Variants in SPMIP2 observed in about 807,000 individuals in gnomAD.
SPMIP2 encodes the protein protein SPMIP2.
At chr4:158,992,588 A>T in the SPMIP2 span, among the ~76,000 whole-genome samples, 1 of 152,210 alleles carries the variant, frequency 6.6e-6, no homozygotes, top group African/African-American at 2.4e-5. Context: ...ATAACAAAAT[A>T]CCCGAGACTA....
the SPMIP2 span, among the ~76,000 whole-genome samples, chr4:158,943,877 G>A: frequency 8.5e-5 from 1 of 11,698 alleles, no homozygotes; most frequent in Admixed American, 8.4e-4. Context: ...TTTTTTTTTT[G>A]AGACAGTCTC....
chr4:158,896,952 C>T, the SPMIP2 span, among the ~76,000 whole-genome samples: 1 of 152,010 alleles, frequency 6.6e-6, no homozygotes. Flanking sequence ...CCCATCAACC[C>T]GTCATCTACA....
the SPMIP2 span, among the ~76,000 whole-genome samples, chr4:159,060,180 C>T: frequency 6.6e-6 from 1 of 152,116 alleles, no homozygotes; most frequent in Admixed American, 6.5e-5. Context: ...GTTTTACCAG[C>T]TGGGTCAGAT....
chr4:159,082,136 G>T, the SPMIP2 span, among the ~76,000 whole-genome samples: 3 of 147,724 alleles, frequency 2.0e-5, no homozygotes, highest in Admixed American at 6.8e-5. Flanking sequence ...CGGCCAATAT[G>T]GCAAAACCCT....
At chr4:158,942,379 C>T in the SPMIP2 span, among the ~76,000 whole-genome samples, 1 of 152,194 alleles carries the variant, frequency 6.6e-6, no homozygotes, top group Admixed American at 6.5e-5. Context: ...TTCCACTGCA[C>T]CCTCTAAAAT....
chr4:158,997,655 T>C, the SPMIP2 span, among the ~76,000 whole-genome samples: 3 of 152,080 alleles, frequency 2.0e-5, no homozygotes, highest in African/African-American at 7.2e-5. Flanking sequence ...TCTTTAGTTG[T>C]TGTTGTTATT....
the SPMIP2 span, among the ~76,000 whole-genome samples, chr4:159,080,651 T>TCTATATGTATATATAGCTATACCA: frequency 5.3e-5 from 8 of 152,368 alleles, no homozygotes; most frequent in Non-Finnish European, 7.3e-5. Flanking sequence ...TATTTCTATT[T>TCTATATGTATATATAGCTATACCA]CTATATGTAT....
the SPMIP2 span, among the ~76,000 whole-genome samples, chr4:158,923,476 TTC>T: frequency 6.6e-6 from 1 of 152,206 alleles, no homozygotes; most frequent in East Asian, 1.9e-4. Flanking sequence ...AAATATCTTA[TTC>T]TTTTGATATT....
At chr4:158,899,345 G>A in the SPMIP2 span, among the ~76,000 whole-genome samples, 1 of 152,158 alleles carries the variant, frequency 6.6e-6, no homozygotes, top group Non-Finnish European at 1.5e-5. Flanking sequence ...TTTGCTTTCA[G>A]GATGATGCTG....
At chr4:158,988,117 T>C in the SPMIP2 span, among the ~76,000 whole-genome samples, 1 of 151,974 alleles carries the variant, frequency 6.6e-6, no homozygotes, top group African/African-American at 2.4e-5. Flanking sequence ...TAAACAGCTG[T>C]ACGCAAATAA....
the SPMIP2 span, among the ~76,000 whole-genome samples, chr4:159,052,955 A>ATT: frequency 1.1e-4 from 14 of 132,086 alleles, 1 homozygote; most frequent in East Asian, 1.9e-3. Context: ...TATTATTATT[A>ATT]TTTTTTTTTT....
At chr4:158,972,779 G>A in the SPMIP2 span, among the ~76,000 whole-genome samples, 3 of 152,212 alleles carry the variant, frequency 2.0e-5, no homozygotes, top group Non-Finnish European at 4.4e-5. Flanking sequence ...GCTAGGATGG[G>A]GGAAGAGTGT....
chr4:158,902,998 C>G, the SPMIP2 span, among the ~76,000 whole-genome samples: 1 of 152,164 alleles, frequency 6.6e-6, no homozygotes, highest in Non-Finnish European at 1.5e-5. Flanking sequence ...GTGAACCGTT[C>G]TGTCTCGCTA....
At chr4:158,980,260 G>A in the SPMIP2 span, among the ~76,000 whole-genome samples, 1 of 152,150 alleles carries the variant, frequency 6.6e-6, no homozygotes, top group Non-Finnish European at 1.5e-5. Context: ...TGGGGGAAGG[G>A]GCAGCTGTGG....
At chr4:158,993,842 C>A in the SPMIP2 span, among the ~76,000 whole-genome samples, 2 of 152,210 alleles carry the variant, frequency 1.3e-5, no homozygotes, top group African/African-American at 4.8e-5. Context: ...ACATTAAACA[C>A]TTCCTTTCCT....
the SPMIP2 span, among the ~76,000 whole-genome samples, chr4:158,922,194 ATTT>A: frequency 2.0e-5 from 3 of 151,766 alleles, no homozygotes; most frequent in Non-Finnish European, 4.4e-5. Context: ...AGCCTTACAT[ATTT>A]ACTTTTTTGA....
chr4:158,893,645 A>G, the SPMIP2 span: 14 of 1,475,834 alleles, frequency 9.5e-6, no homozygotes, highest in Non-Finnish European at 1.3e-5. Context: ...ATTTTTTGTT[A>G]TACAGTAGTA....
the SPMIP2 span, among the ~76,000 whole-genome samples, chr4:158,997,505 A>G: frequency 0.66 from 100,849 of 152,072 alleles, 33,554 homozygotes; most frequent in Middle Eastern, 0.73. Flanking sequence ...TTACAGGTGT[A>G]AGCCACCGGA....
chr4:159,004,412 T>C, the SPMIP2 span, among the ~76,000 whole-genome samples: 1 of 149,702 alleles, frequency 6.7e-6, no homozygotes, highest in Non-Finnish European at 1.5e-5. Flanking sequence ...TGTGTCAGCC[T>C]CCTGAGTAGC....
Sources: allele counts gnomAD v4.1 joint callset (sites outside exome capture counted in the v4.1 genomes callset), GRCh38; gene constraint gnomAD v4.1.1; transcripts MANE v1.5; gene names NCBI Gene and HGNC (gene_info 2026-07-23, HGNC 2026-07-21).